Variants in RIN2 observed in about 807,000 individuals in gnomAD.
RIN2 encodes Ras and Rab interactor 2, also known as RAB5 interacting protein 2.
Under a neutral mutation model 78.0 loss-of-function variants are expected in RIN2, and 36 were observed. The ratio of observed to expected loss-of-function variants is 0.46; its 90% confidence interval spans 0.35 to 0.61. The LOEUF (loss-of-function observed/expected upper bound fraction) is 0.61. Among genes scored for constraint, RIN2 ranks in the 20% least tolerant of loss-of-function variants. The pLI is 0.00. For synonymous variants in RIN2, 466 were observed against 466.8 expected, an observed-to-expected ratio of 1.00 and a Z score of 0.02; for missense variants, 1,087 against 1,159.7, an observed-to-expected ratio of 0.94 and a Z score of 0.91.
intron 1 of RIN2, among the ~76,000 whole-genome samples, chr20:19,774,576 G>A (rs1482663785): frequency 6.6e-6 from 1 of 152,260 alleles, no homozygotes. Flanking sequence ...AAAATTATTC[G>A]TATTCTAGAA....
chr20:19,944,839 C>A (rs2041023024), intron 4 of RIN2, among the ~76,000 whole-genome samples: 1 of 152,094 alleles, frequency 6.6e-6, no homozygotes, highest in African/African-American at 2.4e-5. Context: ...TGCTTTCTCC[C>A]AGGTCACATG....
In RIN2 at chr20:19,900,472, CAAAATAA is replaced by C. The variant is rs1214501780; in HGVS notation, c.57+10826_57+10832del. On this transcript the variant is annotated intron_variant, in intron 3 of 12. Coordinates refer to ENST00000255006, the MANE Select transcript of RIN2 (RefSeq NM_018993.4). The stretch of plus-strand genomic sequence containing the variant: ...CACTCCAGCCTGGGCAACAGAGTCT[CAAAATAA>C]AAAATAAAAAAATAAAAACCGTCCT... 2.7e-5 allele frequency among the ~76,000 whole-genome samples: 4 copies of C among 150,346 alleles called. No homozygotes were observed. In the South Asian group the frequency reaches 6.3e-4, roughly 24 times the overall value.
intron 2 of RIN2, 35 bp downstream of exon 2, chr20:19,799,782 C>T (rs1336125958): frequency 6.6e-6 from 1 of 152,142 alleles, no homozygotes; most frequent in Non-Finnish European, 1.5e-5. Flanking sequence ...CCAGTGTGCG[C>T]CACCCCAGCG....
intron 2 of RIN2, among the ~76,000 whole-genome samples, chr20:19,801,445 C>G (rs541663119): frequency 1.3e-5 from 2 of 152,152 alleles, no homozygotes; most frequent in Non-Finnish European, 2.9e-5. Flanking sequence ...CTCAGCCTCC[C>G]GAGTAGCTGG....
chr20:19,844,593 G>GCTGCTTCCTCTT lies in RIN2; in HGVS notation c.-37+44848_-37+44849insGCTTCCTCTTCT, dbSNP rs1568806843. 1.1e-4 allele frequency among the ~76,000 whole-genome samples: 7 copies of GCTGCTTCCTCTT among 64,062 alleles called. 1 individual carries two copies. Among genetic ancestry groups the GCTGCTTCCTCTT allele is most frequent in the African/African-American group, 3.1e-4 (6 of 19,452 alleles). The allele number at this position is 64,062 out of a possible 152,430, so 42.0% of individuals were successfully genotyped here. On this transcript the variant is annotated intron_variant, in intron 2 of 12. Transcript: ENST00000255006. The stretch of plus-strand genomic sequence containing the variant: ...CTAGAGAGCTGCTGCTGCTGCTGCT[G>GCTGCTTCCTCTT]CTTCTTCCTCTTCTTCTTCTTCTTC...
chr20:19,835,067 AAG>A (rs755824258), intron 2 of RIN2, among the ~76,000 whole-genome samples: 5,668 of 141,030 alleles, frequency 0.04, 172 homozygotes, highest in Non-Finnish European at 0.052. Flanking sequence ...GAAAGAGAAA[AAG>A]AGAAAGAGAA....
intron 1 of RIN2, among the ~76,000 whole-genome samples, chr20:19,763,196 C>T (rs916724495): frequency 1.3e-5 from 2 of 152,074 alleles, no homozygotes; most frequent in African/African-American, 2.4e-5. Flanking sequence ...GCCAGCCTGA[C>T]CAACATGGTG....
chr20:19,990,360 G>C, intron 10 of RIN2, 49 bp downstream of exon 10: 1 of 1,540,602 alleles, frequency 6.5e-7, no homozygotes. Flanking sequence ...TTCCGGGCCG[G>C]GGACAGGCCT....
intron 2 of RIN2, among the ~76,000 whole-genome samples, chr20:19,877,673 G>A (rs188037858): frequency 2.6e-5 from 4 of 152,220 alleles, no homozygotes; most frequent in East Asian, 1.9e-4. Context: ...ACACAGGACC[G>A]AACCTTATAC....
At chr20:19,829,810 AG>A (rs755497410) in intron 2 of RIN2, among the ~76,000 whole-genome samples, 1 of 152,170 alleles carries the variant, frequency 6.6e-6, no homozygotes, top group Non-Finnish European at 1.5e-5. Flanking sequence ...AGACCCCCTC[AG>A]GGCTGCTGCT....
In RIN2 at chr20:19,799,711, T is replaced by G. The variant is rs2035180403; in HGVS notation, c.-73T>G. On this transcript the variant is annotated 5_prime_UTR_variant, in exon 2 of 13. Transcript: ENST00000255006. ...GAACGCTGGGGAGGTTGGGCTGAACTGCAGTGGGAGAGGAGAAGAGATGCT... is the reference window on the plus strand; with the variant it reads ...GAACGCTGGGGAGGTTGGGCTGAACGGCAGTGGGAGAGGAGAAGAGATGCT... 6.6e-6 allele frequency: 1 copy of G among 152,198 alleles called. No homozygotes were observed. Among genetic ancestry groups the G allele is most frequent in the South Asian group, 2.1e-4 (1 of 4,824 alleles). 9.4% of individuals were successfully genotyped at this position (152,198 alleles called of 1,614,324 possible). A position where few individuals can be genotyped will look rare whatever the true frequency, so the allele number is the denominator to read the frequency against.
intron 4 of RIN2, among the ~76,000 whole-genome samples, chr20:19,950,641 G>A (rs987516814): frequency 1.3e-5 from 2 of 151,920 alleles, no homozygotes; most frequent in Admixed American, 6.6e-5. Flanking sequence ...CAGTATGCAT[G>A]TCCTAAGAAT....
At chr20:19,945,197 C>G (rs76591267) in intron 4 of RIN2, among the ~76,000 whole-genome samples, 4,883 of 152,270 alleles carry the variant, frequency 0.032, 135 homozygotes, top group South Asian at 0.12. Flanking sequence ...GGCTCTGATT[C>G]AAGTCTGACT....
At chr20:19,934,353 C>T (rs574653820) in intron 3 of RIN2, 69 of 369,624 alleles carry the variant, frequency 1.9e-4, no homozygotes, top group Middle Eastern at 1.4e-3. Flanking sequence ...GCCTAGTACG[C>T]GCCAGGAAAG....
chr20:19,770,634 C>T (rs2034075303), intron 1 of RIN2, among the ~76,000 whole-genome samples: 1 of 151,854 alleles, frequency 6.6e-6, no homozygotes, highest in Non-Finnish European at 1.5e-5. Flanking sequence ...CAGCCTCTGT[C>T]CCTCTTCCAC....
intron 3 of RIN2, among the ~76,000 whole-genome samples, chr20:19,892,210 A>G (rs11905516): frequency 6.6e-6 from 1 of 152,070 alleles, no homozygotes; most frequent in East Asian, 1.9e-4. Flanking sequence ...TGTTTAATTC[A>G]TTAATTAATT....
chr20:19,912,571 G>A (rs546990527), intron 3 of RIN2, among the ~76,000 whole-genome samples: 37 of 138,606 alleles, frequency 2.7e-4, no homozygotes, highest in Non-Finnish European at 4.5e-4. Context: ...TTCCGCCTCC[G>A]GAGTTCAAAC....
At position 19,990,247 on chromosome 20, in the gene RIN2, A is replaced by G. The variant is rs538121459; in HGVS notation, c.2004A>G (p.Glu668=). 1.9e-5 allele frequency: 30 copies of G among 1,613,582 alleles called. 2 individuals carry two copies. In the Middle Eastern group the frequency reaches 6.6e-4, roughly 35 times the overall value. The change falls in exon 10 of 13, where the codon GAA becomes GAG. Residue 668 remains glutamate (E), a synonymous_variant. Transcript: ENST00000255006. ...FMTMQKMYSP[E]KKVMLLLRVC... ...CCATGCAGAAGATGTATTCGCCGGA[A>G]AAGAAGGTCATGCTGCTGCTGCGGG...
intron 1 of RIN2, among the ~76,000 whole-genome samples, chr20:19,774,410 A>G (rs1375068461): frequency 1.3e-5 from 2 of 152,222 alleles, no homozygotes. Flanking sequence ...CATATAATAA[A>G]AGCAATATTT....
Sources: gnomAD v4.1 joint callset for allele counts (sites outside exome capture counted in the v4.1 genomes callset) on GRCh38, gnomAD v4.1.1 for gene constraint, MANE v1.5 for transcripts, NCBI Gene and HGNC (gene_info 2026-07-23, HGNC 2026-07-21) for gene names.